The following PAK5 variants were observed in gnomAD, a reference collection of about 807,000 sequenced individuals.
PAK5 encodes p21 (RAC1) activated kinase 5.
A neutral mutation model predicts 65.9 loss-of-function variants in PAK5; 16 were observed. The observed-to-expected ratio is 0.24, with a 90% CI of 0.16 to 0.37. The LOEUF is 0.37. Ranked by LOEUF, PAK5 falls within the 10% of genes least tolerant of loss-of-function variation. PAK5 has a pLI of 1.00. For missense variants in PAK5, 785 were observed against 903.9 expected, an observed-to-expected ratio of 0.87 and a Z score of 1.69; for synonymous variants, 371 against 354.9, an observed-to-expected ratio of 1.05 and a Z score of -0.51.
chr20:9,785,221 T>A (rs2048980522), intron 1 of PAK5, among the ~76,000 whole-genome samples: 2 of 152,196 alleles, frequency 1.3e-5, no homozygotes, highest in Non-Finnish European at 2.9e-5. Context: ...TCCATAGTTA[T>A]CATGCAGATG....
rs899422684 is a variant in PAK5 at position 9,653,760 on chromosome 20, G to T, written c.-11-9421C>A. 2.9e-4 allele frequency among the ~76,000 whole-genome samples: 44 copies of T among 152,114 alleles called. 1 individual carries two copies. The highest frequency in any genetic ancestry group is 6.0e-4 in the Non-Finnish European group (41 of 68,026). On this transcript the variant is annotated intron_variant, in intron 2 of 9. Coordinates refer to ENST00000353224, the MANE Select transcript of PAK5 (RefSeq NM_177990.4). Reference sequence around the variant, plus strand: ...AATGTATTTTCTTACGGTTCTGGAGGTTGGAAGTATAACATGAGTCTCACC... The same window carrying T: ...AATGTATTTTCTTACGGTTCTGGAGTTTGGAAGTATAACATGAGTCTCACC...
At chr20:9,628,079 GT>G (rs1362735415) in intron 3 of PAK5, among the ~76,000 whole-genome samples, 1 of 152,102 alleles carries the variant, frequency 6.6e-6, no homozygotes, top group East Asian at 1.9e-4. Flanking sequence ...TCAAAATATT[GT>G]TCTCTTCTTA....
chr20:9,666,653 T>G lies in PAK5; in HGVS notation c.-11-22314A>C, dbSNP rs537138872. Among the ~76,000 whole-genome samples the G allele has an allele frequency of 5.9e-5, 9 of 152,092 alleles. 1 individual carries two copies. The South Asian group carries it at 1.9e-3, about 32-fold the overall frequency. ...CCACCTCCACCACCATAAGCTCAGA[T>G]GAACAAGAAAAAACAAAACAAAATG... On this transcript the variant is annotated intron_variant, in intron 2 of 9. Coordinates refer to ENST00000353224, the MANE Select transcript of PAK5 (RefSeq NM_177990.4).
rs1226272023 is a variant in PAK5, at chr20:9,719,154, C to A, written c.-161-7719G>T. ...GAAACTCTAAAAATTGAATAAGTAA[C>A]TTTTGGTGCATAGAAAACCTAACCC... On this transcript the variant is annotated intron_variant, in intron 1 of 9. Coordinates refer to ENST00000353224, the MANE Select transcript of PAK5 (RefSeq NM_177990.4). Among the ~76,000 whole-genome samples the A allele has an allele frequency of 1.1e-4, 16 of 152,132 alleles. 1 individual carries two copies. The highest frequency in any genetic ancestry group is 1.0e-3 in the Admixed American group (16 of 15,270).
At chr20:9,675,688 T>C (rs942068949) in intron 2 of PAK5, among the ~76,000 whole-genome samples, 4 of 152,166 alleles carry the variant, frequency 2.6e-5, no homozygotes, top group Admixed American at 6.5e-5. Flanking sequence ...TTCCCCATTC[T>C]GTTACATTAT....
chr20:9,797,614 G>T (rs2049119995), intron 1 of PAK5, among the ~76,000 whole-genome samples: 1 of 151,414 alleles, frequency 6.6e-6, no homozygotes, highest in Admixed American at 6.6e-5. Context: ...CTTGCCCGTT[G>T]TGCACATGTA....
In PAK5 at chr20:9,618,949, T is replaced by TA. The variant is rs71184150; in HGVS notation, c.204+25175dup. On this transcript the variant is annotated intron_variant, in intron 3 of 9. Transcript: ENST00000353224. ...TTTTTTTTTTTTTTTTTTTTTTTTTTAATCTCACTGTTGCCCAGGCTGGAG... is the reference window on the plus strand; with the variant it reads ...TTTTTTTTTTTTTTTTTTTTTTTTTTAAATCTCACTGTTGCCCAGGCTGGAG... 7.8e-3 allele frequency among the ~76,000 whole-genome samples: 933 copies of TA among 119,084 alleles called. 30 individuals carry two copies. Among genetic ancestry groups the TA allele is most frequent in the Non-Finnish European group, 0.014 (784 of 55,862 alleles). The allele number at this position is 119,084 out of a possible 152,430, so 78.1% of individuals were successfully genotyped here.
At chr20:9,638,826 C>T (rs915726393) in intron 3 of PAK5, among the ~76,000 whole-genome samples, 14 of 152,058 alleles carry the variant, frequency 9.2e-5, no homozygotes, top group Non-Finnish European at 2.1e-4. Context: ...GTGGCAACGG[C>T]AGATTTCCAC....
At chr20:9,796,344 A>G (rs960650516) in intron 1 of PAK5, among the ~76,000 whole-genome samples, 3 of 152,088 alleles carry the variant, frequency 2.0e-5, no homozygotes, top group African/African-American at 7.2e-5. Context: ...GAACTAAAAG[A>G]TGAAAAAAAG....
intron 1 of PAK5, among the ~76,000 whole-genome samples, chr20:9,786,552 C>T (rs1490520309): frequency 1.3e-5 from 2 of 152,058 alleles, no homozygotes; most frequent in Admixed American, 6.6e-5. Flanking sequence ...GTTCATAAAA[C>T]CTAAGTGTAC....
At chr20:9,792,267 A>C (rs2049057859) in intron 1 of PAK5, among the ~76,000 whole-genome samples, 1 of 152,188 alleles carries the variant, frequency 6.6e-6, no homozygotes, top group Non-Finnish European at 1.5e-5. Context: ...TCTCTCACTA[A>C]AGAAAAACAG....
At chr20:9,792,654 G>T (rs1447690749) in intron 1 of PAK5, among the ~76,000 whole-genome samples, 1 of 152,090 alleles carries the variant, frequency 6.6e-6, no homozygotes, top group Non-Finnish European at 1.5e-5. Context: ...TCCAAAGAAA[G>T]AAGCTCAAAG....
chr20:9,834,309 T>C (rs1978976971), intron 1 of PAK5, among the ~76,000 whole-genome samples: 1 of 152,220 alleles, frequency 6.6e-6, no homozygotes, highest in South Asian at 2.1e-4. Flanking sequence ...TCAGTCTTAC[T>C]ATTCAAAACT....
At position 9,659,508 on chromosome 20, in the gene PAK5, G is replaced by A. The variant is rs1204278598; in HGVS notation, c.-11-15169C>T. On this transcript the variant is annotated intron_variant, in intron 2 of 9. Transcript: ENST00000353224. Reference sequence around the variant, plus strand: ...TTGTCTGAAAACCTCAGAGCTGTACGTTTTCTTAAAGTTATGGTAGAAATA... The same window carrying A: ...TTGTCTGAAAACCTCAGAGCTGTACATTTTCTTAAAGTTATGGTAGAAATA... 2.0e-5 allele frequency among the ~76,000 whole-genome samples: 3 copies of A among 152,114 alleles called. No homozygotes were observed. The East Asian group carries it at 5.8e-4, about 29-fold the overall frequency.
intron 3 of PAK5, among the ~76,000 whole-genome samples, chr20:9,596,002 C>A (rs781003008): frequency 6.6e-6 from 1 of 152,146 alleles, no homozygotes; most frequent in Non-Finnish European, 1.5e-5. Flanking sequence ...CCATAATTTA[C>A]GTGTTTCTTG....
intron 2 of PAK5, among the ~76,000 whole-genome samples, chr20:9,681,374 C>A (rs2047647176): frequency 6.6e-6 from 1 of 151,820 alleles, no homozygotes; most frequent in Non-Finnish European, 1.5e-5. Flanking sequence ...GGGTTTAGTC[C>A]CTTCATATTT....
At chr20:9,751,471 C>T (rs749063632) in intron 1 of PAK5, among the ~76,000 whole-genome samples, 3 of 152,102 alleles carry the variant, frequency 2.0e-5, no homozygotes, top group Non-Finnish European at 2.9e-5. Context: ...CACCTGATAC[C>T]CATTTTTCAT....
intron 1 of PAK5, among the ~76,000 whole-genome samples, chr20:9,750,370 T>G (rs1797740025): frequency 6.6e-6 from 1 of 152,174 alleles, no homozygotes; most frequent in South Asian, 2.1e-4. Flanking sequence ...ATAGTAATGA[T>G]TTTTTAAATT....
At chr20:9,675,579 G>A (rs2047559239) in intron 2 of PAK5, among the ~76,000 whole-genome samples, 1 of 152,206 alleles carries the variant, frequency 6.6e-6, no homozygotes, top group Admixed American at 6.5e-5. Flanking sequence ...CCAGGCTCAA[G>A]CAATCTTCAC....
Sources: allele counts gnomAD v4.1 joint callset (sites outside exome capture counted in the v4.1 genomes callset), GRCh38; gene constraint gnomAD v4.1.1; transcripts MANE v1.5; gene names NCBI Gene and HGNC (gene_info 2026-07-23, HGNC 2026-07-21).